Variants in CPM observed in about 807,000 individuals in gnomAD.
CPM encodes the protein carboxypeptidase M.
CPM carries 35 observed loss-of-function variants against 46.4 expected under a neutral mutation model. That is an observed-to-expected ratio of 0.75 (90% CI 0.58 to 1.00). The LOEUF (loss-of-function observed/expected upper bound fraction) is 1.00, where lower values mean the gene tolerates loss of function less well. Ranked by LOEUF, CPM falls within the 50% of genes least tolerant of loss-of-function variation. CPM has a pLI of 0.00. For synonymous variants in CPM, 195 were observed against 195.3 expected (o/e 1.00, Z 0.01); for missense variants, 422 against 530.4 (o/e 0.80, Z 2.01).
At chr12:68,920,970 G>A (rs1888017355) in intron 2 of CPM, among the ~76,000 whole-genome samples, 2 of 151,504 alleles carry the variant, frequency 1.3e-5, no homozygotes, top group African/African-American at 4.9e-5. Flanking sequence ...CCAAAGTGCT[G>A]GGATTACAGG....
At chr12:68,931,763 A>AAAAAAAAAAGAAAG (rs1482981614) in intron 2 of CPM, among the ~76,000 whole-genome samples, 11 of 132,486 alleles carry the variant, frequency 8.3e-5, no homozygotes, top group Non-Finnish European at 1.4e-4. Context: ...AAAAAAAAAA[A>AAAAAAAAAAGAAAG]AAAGAAAGAA....
At chr12:68,886,413 A>G (rs981728319) in intron 2 of CPM, among the ~76,000 whole-genome samples, 1 of 152,058 alleles carries the variant, frequency 6.6e-6, no homozygotes, top group African/African-American at 2.4e-5. Flanking sequence ...CGGGCAGATC[A>G]CGAGGTCAGG....
At chr12:68,938,448 A>G (rs998225930) in intron 1 of CPM, among the ~76,000 whole-genome samples, 3 of 151,932 alleles carry the variant, frequency 2.0e-5, no homozygotes, top group Admixed American at 1.3e-4. Context: ...ACACACACAC[A>G]TTTAGGTATT....
chr12:68,880,699 G>A (rs1283018021), intron 3 of CPM, among the ~76,000 whole-genome samples: 2 of 152,180 alleles, frequency 1.3e-5, no homozygotes, highest in Admixed American at 6.5e-5. Context: ...ATAAACCTGG[G>A]CCCCCTTCAT....
intron 1 of CPM, among the ~76,000 whole-genome samples, chr12:68,950,047 G>T (rs1888910219): frequency 6.6e-6 from 1 of 152,124 alleles, no homozygotes; most frequent in Admixed American, 6.5e-5. Flanking sequence ...GTGTGCTTGG[G>T]CCTTGTTCAC....
intron 2 of CPM, 152 bp from the exon 3 acceptor site, chr12:68,886,041 TA>T: frequency 3.2e-6 from 2 of 615,962 alleles, no homozygotes; most frequent in Non-Finnish European, 5.7e-6. Context: ...TCTCCATGCT[TA>T]AAACACTCAT....
upstream of CPM, among the ~76,000 whole-genome samples, chr12:68,935,961 G>A (rs1351278707): frequency 1.3e-5 from 2 of 152,154 alleles, no homozygotes; most frequent in Non-Finnish European, 2.9e-5. Flanking sequence ...GAGATTGCCA[G>A]GATTGTTGTT....
rs572192142 is a variant in CPM at position 68,843,609 on chromosome 12, G to A, written c.534-1280C>T. The A allele has an allele frequency of 4.5e-3, 1,006 of 225,722 alleles. 13 individuals carry two copies. Among genetic ancestry groups the A allele is most frequent in the African/African-American group, 0.021 (927 of 44,946 alleles). 14.0% of individuals were successfully genotyped at this position (225,722 alleles called of 1,614,324 possible). On this transcript the variant is annotated intron_variant, in intron 5 of 5. Transcript: ENST00000551897. ...TGTGAATTGTATATACTTAGGTGAA[G>A]ACAATAAAATCAACTGAACTGTAAG... is the stretch of plus-strand genomic sequence containing the variant.
In CPM at chr12:68,885,785, T is replaced by C. The variant is rs1325269743; in HGVS notation, c.258+7A>G. On this transcript the variant is annotated splice_region_variant and intron_variant, in intron 3 of 8. Coordinates refer to ENST00000551568, the MANE Select transcript of CPM (RefSeq NM_198320.5). ...TGACATTTCAGAAATTCAAGCCACA[T>C]ACGTACCTCATCTCCATGCATATTT... 6.2e-7 allele frequency: 1 copy of C among 1,611,122 alleles called. No homozygotes were observed. Among genetic ancestry groups the C allele is most frequent in the Non-Finnish European group, 8.5e-7 (1 of 1,177,420 alleles).
chr12:68,943,206 A>G (rs1034810720), intron 1 of CPM, among the ~76,000 whole-genome samples: 5 of 152,226 alleles, frequency 3.3e-5, no homozygotes, highest in African/African-American at 1.2e-4. Flanking sequence ...TGAGCAAGTC[A>G]CTGCACCTCT....
At position 68,859,761 on chromosome 12, in the gene CPM, G is replaced by A. The variant is rs146026251; in HGVS notation, c.941-690C>T. ...TCAAACTCACACAGCCAACGAAGTG[G>A]CCCAGCCTAGCCGTCAACCCATGAT... On this transcript the variant is annotated intron_variant, in intron 7 of 8. Transcript: ENST00000551568. Among the ~76,000 whole-genome samples the A allele has an allele frequency of 2.0e-4, 31 of 152,270 alleles. No homozygotes were observed. In the East Asian group the frequency reaches 5.4e-3, roughly 27 times the overall value.
Position 68,869,497 on chromosome 12 carries a change from T to A in CPM, c.617-2A>T, listed in dbSNP as rs758725507. On this transcript the variant is annotated splice_acceptor_variant, in intron 5 of 8. Transcript: ENST00000551568. LOFTEE classifies it high-confidence loss of function. ...TTCGGGAGTATAATGCCCCAGTTGCTGCATTTAAAAGATGAACCAAGACCT... is the reference window on the plus strand; with the variant it reads ...TTCGGGAGTATAATGCCCCAGTTGCAGCATTTAAAAGATGAACCAAGACCT... 10 of 1,598,526 alleles carry A rather than the reference T, an allele frequency of 6.3e-6. No individual in the cohort carries two copies. The highest frequency in any genetic ancestry group is 1.3e-5 in the African/African-American group (1 of 74,180).
chr12:68,959,280 G>C (rs1889074433), intron 1 of CPM, among the ~76,000 whole-genome samples: 1 of 152,144 alleles, frequency 6.6e-6, no homozygotes, highest in Non-Finnish European at 1.5e-5. Context: ...TTTAGAAAGA[G>C]CCAGTCCTCT....
chr12:68,952,012 C>T (rs765950620), intron 1 of CPM, among the ~76,000 whole-genome samples: 5 of 152,114 alleles, frequency 3.3e-5, no homozygotes, highest in Non-Finnish European at 7.4e-5. Context: ...GGAGTTTCCT[C>T]TCTCCTCTCC....
intron 1 of CPM, among the ~76,000 whole-genome samples, chr12:68,941,042 A>G (rs1342851223): frequency 6.6e-6 from 1 of 151,994 alleles, no homozygotes; most frequent in Non-Finnish European, 1.5e-5. Context: ...TAAAAGTCTG[A>G]CTAGTTTAGA....
chr12:68,916,843 G>A lies in CPM; in HGVS notation c.160+15835C>T, dbSNP rs1325204211. On this transcript the variant is annotated intron_variant, in intron 2 of 8. Transcript: ENST00000551568. ...GCGGAGGTTGCAGTGAGCTGGGATC[G>A]CACCATTGCACTCCAGCCTGGGTGA... Among the ~76,000 whole-genome samples, 3 of 143,312 alleles carry A rather than the reference G, an allele frequency of 2.1e-5. No individual in the cohort carries two copies. The South Asian group carries it at 6.5e-4, about 31-fold the overall frequency. 94.0% of individuals were successfully genotyped at this position (143,312 alleles called of 152,430 possible).
intron 4 of CPM, among the ~76,000 whole-genome samples, chr12:68,871,161 C>T (rs1460222092): frequency 1.3e-5 from 2 of 152,146 alleles, no homozygotes; most frequent in Non-Finnish European, 2.9e-5. Context: ...CTTCAAGACC[C>T]GTTCTTGCTT....
At chr12:68,848,316 G>C (rs1037665291), downstream of CPM, 1 of 152,212 alleles carries the variant, frequency 6.6e-6, no homozygotes, top group African/African-American at 2.4e-5. Context: ...CCAAGTAGCT[G>C]TGTTATTTCA....
chr12:68,882,205 A>T (rs928342653), intron 3 of CPM, among the ~76,000 whole-genome samples: 6 of 151,976 alleles, frequency 3.9e-5, no homozygotes, highest in African/African-American at 1.4e-4. Context: ...TAAGCATAGT[A>T]TCTAACAGGT....
Sources: gnomAD v4.1 joint callset for allele counts (sites outside exome capture counted in the v4.1 genomes callset) on GRCh38, gnomAD v4.1.1 for gene constraint, MANE v1.5 for transcripts, NCBI Gene and HGNC (gene_info 2026-07-23, HGNC 2026-07-21) for gene names.